NACC2: variants seen among roughly 807,000 people sequenced by gnomAD.
The protein encoded by NACC2 is NACC family member 2, also known as nucleus accumbens-associated protein 2.
Under a neutral mutation model 25.1 loss-of-function variants are expected in NACC2, and 8 were observed. That is an observed-to-expected ratio of 0.32 (90% CI 0.19 to 0.57). The LOEUF (loss-of-function observed/expected upper bound fraction) is 0.57, where lower values mean the gene tolerates loss of function less well. NACC2 is among the 20% of genes least tolerant of loss of function. NACC2 has a pLI of 0.89. For synonymous variants in NACC2, 435 were observed against 294.7 expected (o/e 1.48, Z -4.88); for missense variants, 644 against 650.2 (o/e 0.99, Z 0.10).
rs1018230469 is a variant in NACC2, at chr9:136,018,301, G to A, written c.887-1872C>T. Among the ~76,000 whole-genome samples the A allele has an allele frequency of 6.6e-6, 1 of 152,182 alleles. No homozygotes were observed. The highest frequency in any genetic ancestry group is 1.9e-4 in the East Asian group (1 of 5,152). ...CAAGGGGGCTGCTGGGGAGCAGCCT[G>A]AGGAGGGCAGGAGGCAGGGAGGGTC... On this transcript the variant is annotated intron_variant, in intron 2 of 5. Coordinates refer to ENST00000277554, the MANE Select transcript of NACC2 (RefSeq NM_144653.5). The surrounding 1 kb of genome is among the most constrained non-coding windows in gnomAD (Gnocchi z 4.4).
At chr9:136,078,372 T>C (rs1449562144) in intron 1 of NACC2, among the ~76,000 whole-genome samples, 1 of 152,208 alleles carries the variant, frequency 6.6e-6, no homozygotes, top group Admixed American at 6.5e-5. Flanking sequence ...CTCCAAATAA[T>C]TCTGGCTCTC....
At chr9:136,015,832 A>G (rs1840191501) in intron 3 of NACC2, among the ~76,000 whole-genome samples, 1 of 152,194 alleles carries the variant, frequency 6.6e-6, no homozygotes, top group African/African-American at 2.4e-5. Flanking sequence ...TAAATTCCTG[A>G]GCGAGGCCCG....
intron 1 of NACC2, among the ~76,000 whole-genome samples, chr9:136,094,500 G>T (rs1000629521): frequency 2.0e-5 from 3 of 151,804 alleles, no homozygotes; most frequent in Non-Finnish European, 2.9e-5. Flanking sequence ...CCCGGGCTCC[G>T]CTGAGTTTCT....
intron 1 of NACC2, among the ~76,000 whole-genome samples, chr9:136,056,520 T>TGC (rs1387849397): frequency 1.3e-5 from 2 of 152,166 alleles, no homozygotes; most frequent in Non-Finnish European, 2.9e-5. Flanking sequence ...CCAGAGAGGA[T>TGC]GCCTGGCCCC....
At chr9:136,077,554 G>A (rs1830275835) in intron 1 of NACC2, among the ~76,000 whole-genome samples, 1 of 152,182 alleles carries the variant, frequency 6.6e-6, no homozygotes, top group African/African-American at 2.4e-5. Flanking sequence ...TCAGAGTATG[G>A]AAAGAATTCT....
chr9:136,040,983 A>G (rs2131154247), intron 2 of NACC2, among the ~76,000 whole-genome samples: 1 of 151,466 alleles, frequency 6.6e-6, no homozygotes, highest in South Asian at 2.1e-4. Flanking sequence ...AAGAAAGAAA[A>G]GGAAGGAAAG....
chr9:136,032,364 C>T (rs1021991782), intron 2 of NACC2, among the ~76,000 whole-genome samples: 1 of 151,504 alleles, frequency 6.6e-6, no homozygotes. Context: ...GCTTTTGTTA[C>T]AATGCAACAC....
intron 2 of NACC2, among the ~76,000 whole-genome samples, chr9:136,031,060 G>A (rs953305111): frequency 2.0e-5 from 3 of 152,132 alleles, no homozygotes; most frequent in African/African-American, 7.2e-5. Flanking sequence ...TATTCCTGCA[G>A]CTACTCAAGA....
Position 136,019,585 on chromosome 9 carries a change from T to C in NACC2, c.887-3156A>G, listed in dbSNP as rs10776870. The C allele has an allele frequency of 0.26, 40,119 of 152,170 alleles. 5,672 individuals carry two copies. Among genetic ancestry groups the C allele is most frequent in the East Asian group, 0.34 (1,753 of 5,178 alleles). 9.4% of individuals were successfully genotyped at this position (152,170 alleles called of 1,614,324 possible). On this transcript the variant is annotated intron_variant, in intron 2 of 5. Transcript: ENST00000277554. This position sits in a 1 kb window ranked among gnomAD's most constrained non-coding sequence, Gnocchi z 5.2. ...AGCTCATAAAGAGCAATGAGCTAAC[T>C]GCATGGAGGTGAACAACCGCGCCCC...
chr9:136,080,579 C>T (rs1352048420), intron 1 of NACC2, among the ~76,000 whole-genome samples: 1 of 151,948 alleles, frequency 6.6e-6, no homozygotes, highest in African/African-American at 2.4e-5. Flanking sequence ...CCCCACTACC[C>T]TGCTCCAATA....
chr9:136,030,338 G>A (rs6537926), intron 2 of NACC2, among the ~76,000 whole-genome samples: 23,327 of 152,076 alleles, frequency 0.15, 2,071 homozygotes, highest in African/African-American at 0.22. Flanking sequence ...GGCCGGGCGC[G>A]GTGGCTCACG....
chr9:136,077,286 C>T (rs973097414), intron 1 of NACC2, among the ~76,000 whole-genome samples: 12 of 152,064 alleles, frequency 7.9e-5, no homozygotes, highest in African/African-American at 2.4e-4. Context: ...GCCAAGATTG[C>T]GCCATTGCAC....
chr9:136,047,287 C>T (rs1336550469), intron 2 of NACC2, among the ~76,000 whole-genome samples: 1 of 152,152 alleles, frequency 6.6e-6, no homozygotes, highest in African/African-American at 2.4e-5. Flanking sequence ...TCTACCTGCT[C>T]CCCCCATGGC....
rs922574643 is a variant in NACC2, at chr9:136,008,506, C to T, written c.*3010G>A. 1.3e-5 allele frequency: 2 copies of T among 152,314 alleles called. No individual in the cohort carries two copies. The highest frequency in any genetic ancestry group is 2.9e-5 in the Non-Finnish European group (2 of 68,098). 9.4% of individuals were successfully genotyped at this position (152,314 alleles called of 1,614,324 possible). A position where few individuals can be genotyped will look rare whatever the true frequency, so the allele number is the denominator to read the frequency against. On this transcript the variant is annotated 3_prime_UTR_variant, in exon 6 of 6. Coordinates refer to ENST00000277554, the MANE Select transcript of NACC2 (RefSeq NM_144653.5). ...TCAGGCTTAGGGATAAAGGTGCAGA[C>T]ATCTCATAAATACTGAGTGGCTCGT...
intron 1 of NACC2, among the ~76,000 whole-genome samples, chr9:136,077,455 T>C (rs969821364): frequency 4.6e-5 from 7 of 152,148 alleles, no homozygotes; most frequent in South Asian, 2.1e-4. Flanking sequence ...CATTAAAATA[T>C]TGAAAAATAA....
At chr9:136,014,018 G>A in intron 3 of NACC2, 49 bp from the exon 4 acceptor site, 1 of 1,405,368 alleles carries the variant, frequency 7.1e-7, no homozygotes, top group Non-Finnish European at 9.8e-7. Flanking sequence ...CGGGCCATAG[G>A]GTCCGAAGAG....
At chr9:136,045,303 C>T (rs1049511797) in intron 2 of NACC2, among the ~76,000 whole-genome samples, 11 of 150,010 alleles carry the variant, frequency 7.3e-5, no homozygotes, top group Middle Eastern at 3.5e-3. Context: ...CACCCACTCA[C>T]GGGCCCACAG....
intron 2 of NACC2, among the ~76,000 whole-genome samples, chr9:136,041,081 G>GA (rs1564227365): frequency 4.0e-4 from 60 of 149,750 alleles, no homozygotes; most frequent in Middle Eastern, 3.4e-3. Context: ...GGAAGGAAAG[G>GA]AAGGAAGCAA....
chr9:136,076,141 TACC>T (rs1830260819), intron 1 of NACC2, among the ~76,000 whole-genome samples: 1 of 152,222 alleles, frequency 6.6e-6, no homozygotes. Flanking sequence ...TGACACCCCA[TACC>T]CCGTGACATC....
Sources: gnomAD v4.1 joint callset for allele counts (sites outside exome capture counted in the v4.1 genomes callset) on GRCh38, gnomAD v4.1.1 for gene constraint, Gnocchi (gnomAD v3.1) non-coding constraint, MANE v1.5 for transcripts, NCBI Gene and HGNC (gene_info 2026-07-23, HGNC 2026-07-21) for gene names.